Variants in CDKAL1 observed in about 807,000 individuals in gnomAD.
CDKAL1 encodes the protein CDKAL1 threonylcarbamoyladenosine tRNA methylthiotransferase.
CDKAL1 carries 32 observed loss-of-function variants against 68.2 expected under a neutral mutation model. The ratio of observed to expected loss-of-function variants is 0.47; its 90% CI spans 0.35 to 0.63. The LOEUF (loss-of-function observed/expected upper bound fraction) is 0.63, where lower values mean the gene tolerates loss of function less well. Among genes scored for constraint, CDKAL1 ranks in the 30% least tolerant of loss-of-function variants. CDKAL1 has a pLI of 0.00. For synonymous variants in CDKAL1, 234 were observed against 244.3 expected (o/e 0.96, Z 0.39); for missense variants, 606 against 696.7 (o/e 0.87, Z 1.47).
At chr6:20,537,216 T>A (rs569174122) in intron 2 of CDKAL1, among the ~76,000 whole-genome samples, 40 of 152,224 alleles carry the variant, frequency 2.6e-4, no homozygotes, top group African/African-American at 9.4e-4. Flanking sequence ...TAATTAGGGA[T>A]CTATAGTGGA....
At chr6:21,047,073 CTTAG>C (rs1198493324) in intron 11 of CDKAL1, among the ~76,000 whole-genome samples, 3 of 151,240 alleles carry the variant, frequency 2.0e-5, no homozygotes, top group East Asian at 1.9e-4. Context: ...TGAAACAATT[CTTAG>C]TTAACTGATT....
At chr6:20,870,862 G>A (rs1458077499) in intron 9 of CDKAL1, among the ~76,000 whole-genome samples, 5 of 152,188 alleles carry the variant, frequency 3.3e-5, no homozygotes, top group Non-Finnish European at 7.3e-5. Flanking sequence ...TGAGCACTCA[G>A]TAGATGGTCA....
chr6:20,790,862 A>G (rs1283788367), intron 8 of CDKAL1, among the ~76,000 whole-genome samples: 1 of 152,154 alleles, frequency 6.6e-6, no homozygotes, highest in Non-Finnish European at 1.5e-5. Flanking sequence ...TGGGGAGTGC[A>G]TGCTGATTGG....
At chr6:20,999,012 G>A (rs2150814941) in intron 10 of CDKAL1, among the ~76,000 whole-genome samples, 1 of 152,266 alleles carries the variant, frequency 6.6e-6, no homozygotes, top group South Asian at 2.1e-4. Flanking sequence ...AGAGCTGAGA[G>A]GTAACTGGAC....
Position 20,545,571 on chromosome 6 carries a change from A to G in CDKAL1, c.-5-775A>G, listed in dbSNP as rs543460685. 5.9e-5 allele frequency among the ~76,000 whole-genome samples: 9 copies of G among 152,102 alleles called. No homozygotes were observed. In the South Asian group the frequency reaches 1.9e-3, roughly 32 times the overall value. ...CCTTCCTCAGCCTCCCAAGTAGCTA[A>G]AACTGCAGGTGTACACCACCATGCC... On this transcript the variant is annotated intron_variant, in intron 2 of 15. Coordinates refer to ENST00000274695, the MANE Select transcript of CDKAL1 (RefSeq NM_017774.3).
chr6:21,095,485 G>A (rs1455915939), intron 12 of CDKAL1, among the ~76,000 whole-genome samples: 5 of 152,132 alleles, frequency 3.3e-5, no homozygotes, highest in Non-Finnish European at 7.4e-5. Flanking sequence ...GTGTTAGAAT[G>A]GGTGCAAGGG....
At chr6:20,645,105 C>G (rs1561992667) in intron 4 of CDKAL1, among the ~76,000 whole-genome samples, 1 of 152,066 alleles carries the variant, frequency 6.6e-6, no homozygotes, top group African/African-American at 2.4e-5. Flanking sequence ...GTGCACCTGT[C>G]TAAGACACTT....
chr6:20,696,165 G>T (rs1199193471), intron 5 of CDKAL1, among the ~76,000 whole-genome samples: 1 of 152,222 alleles, frequency 6.6e-6, no homozygotes, highest in Non-Finnish European at 1.5e-5. Flanking sequence ...GGCCTGCTAG[G>T]CATAGGAGAG....
chr6:20,823,949 A>C (rs1052776460), intron 8 of CDKAL1, among the ~76,000 whole-genome samples: 1 of 152,150 alleles, frequency 6.6e-6, no homozygotes, highest in Non-Finnish European at 1.5e-5. Context: ...TCTCGGGGTG[A>C]ATGCTCCAGT....
Position 21,231,216 on chromosome 6 carries a change from T to G in CDKAL1, c.*177T>G, listed in dbSNP as rs543846726. 2 of 464,950 alleles carry G rather than the reference T, an allele frequency of 4.3e-6. No individual in the cohort carries two copies. The highest frequency in any genetic ancestry group is 7.5e-6 in the Non-Finnish European group (2 of 264,922). The allele number at this position is 464,950 out of a possible 1,614,324, so 28.8% of individuals were successfully genotyped here. A position where few individuals can be genotyped will look rare whatever the true frequency, so the allele number is the denominator to read the frequency against. ...CTGTCTCACATTGAGTTGGGCCCAT[T>G]GGTTATTTGACCTAAAACCTAATCA... On this transcript the variant is annotated 3_prime_UTR_variant, in exon 16 of 16. Transcript: ENST00000274695.
At chr6:20,935,708 G>A (rs1203323463) in intron 9 of CDKAL1, among the ~76,000 whole-genome samples, 2 of 152,134 alleles carry the variant, frequency 1.3e-5, no homozygotes, top group Non-Finnish European at 2.9e-5. Flanking sequence ...GGGATTACAG[G>A]TATGAGCCAC....
intron 4 of CDKAL1, among the ~76,000 whole-genome samples, chr6:20,566,397 C>G (rs780065819): frequency 2.0e-4 from 30 of 152,066 alleles, no homozygotes; most frequent in Non-Finnish European, 2.8e-4. Flanking sequence ...TAGTGCCACT[C>G]ACTAGTCTGT....
chr6:21,093,368 A>C (rs1463538152), intron 12 of CDKAL1, among the ~76,000 whole-genome samples: 1 of 152,208 alleles, frequency 6.6e-6, no homozygotes. Flanking sequence ...CCTTTCCAGA[A>C]TTTTGGGCAT....
intron 8 of CDKAL1, among the ~76,000 whole-genome samples, chr6:20,822,353 G>T (rs1777320731): frequency 6.6e-6 from 1 of 152,090 alleles, no homozygotes; most frequent in Admixed American, 6.5e-5. Context: ...TCAAAAGACA[G>T]AATCTGAAAG....
rs745786047 is a variant in CDKAL1, at chr6:20,603,768, A to ATTTTTTTTTTTTTTTTTT, written c.287-45516_287-45499dup. On this transcript the variant is annotated intron_variant, in intron 4 of 15. Coordinates refer to ENST00000274695, the MANE Select transcript of CDKAL1 (RefSeq NM_017774.3). Reference sequence around the variant, plus strand: ...ACATTGATTAATGGGCAGTTGCTAAATTTTTTTTTTTTTTTTTTTTTTTTT... The same window carrying ATTTTTTTTTTTTTTTTTT: ...ACATTGATTAATGGGCAGTTGCTAAATTTTTTTTTTTTTTTTTTTTTTTTTTTTTTTTTTTTTTTTTTT... 1.2e-4 allele frequency among the ~76,000 whole-genome samples: 10 copies of ATTTTTTTTTTTTTTTTTT among 85,218 alleles called. 2 individuals carry two copies. Among genetic ancestry groups the ATTTTTTTTTTTTTTTTTT allele is most frequent in the African/African-American group, 4.7e-4 (10 of 21,356 alleles). 55.9% of individuals were successfully genotyped at this position (85,218 alleles called of 152,430 possible).
At chr6:21,033,088 T>G (rs1273920514) in intron 11 of CDKAL1, among the ~76,000 whole-genome samples, 1 of 152,134 alleles carries the variant, frequency 6.6e-6, no homozygotes, top group Non-Finnish European at 1.5e-5. Context: ...GTAAACTGGT[T>G]TGGTTTTAGA....
intron 5 of CDKAL1, among the ~76,000 whole-genome samples, chr6:20,681,953 A>T (rs1770396740): frequency 6.6e-6 from 1 of 152,168 alleles, no homozygotes; most frequent in African/African-American, 2.4e-5. Context: ...GTCTAGTGAG[A>T]ACTCACTTCA....
At chr6:20,913,389 C>A (rs1364180853) in intron 9 of CDKAL1, among the ~76,000 whole-genome samples, 1 of 152,166 alleles carries the variant, frequency 6.6e-6, no homozygotes, top group African/African-American at 2.4e-5. Flanking sequence ...TCCTCACTGG[C>A]TGCTGGATGG....
intron 4 of CDKAL1, among the ~76,000 whole-genome samples, chr6:20,642,477 G>GAA (rs70990055): frequency 0.39 from 45,321 of 117,452 alleles, 8,708 homozygotes; most frequent in East Asian, 0.5. Context: ...ATGAAAAACA[G>GAA]AAAAAAAAAA....
Sources: gnomAD v4.1 joint callset for allele counts (sites outside exome capture counted in the v4.1 genomes callset) on GRCh38, gnomAD v4.1.1 for gene constraint, MANE v1.5 for transcripts, NCBI Gene and HGNC (gene_info 2026-07-23, HGNC 2026-07-21) for gene names.